BTBD8: variants seen among roughly 807,000 people sequenced by gnomAD.
The protein encoded by BTBD8 is BTB domain containing 8, also known as BTB/POZ domain-containing protein 8.
BTBD8 carries 110 observed loss-of-function variants against 162.9 expected under a neutral mutation model. The ratio of observed to expected loss-of-function variants is 0.68; its 90% CI spans 0.58 to 0.79. The LOEUF (loss-of-function observed/expected upper bound fraction) is 0.79. BTBD8 is among the 30% of genes least tolerant of loss of function. BTBD8 has a pLI of 0.00. For missense variants in BTBD8, 1,905 were observed against 2,085.4 expected, an observed-to-expected ratio of 0.91 and a Z score of 1.68; for synonymous variants, 667 against 716.1, an observed-to-expected ratio of 0.93 and a Z score of 1.10.
chr1:92,171,456 C>T lies in BTBD8; in HGVS notation c.1631C>T (p.Ser544Leu), dbSNP rs754399224. 41 of 1,507,870 alleles carry T rather than the reference C, an allele frequency of 2.7e-5. No individual in the cohort carries two copies. The highest frequency in any genetic ancestry group is 3.5e-5 in the Non-Finnish European group (39 of 1,122,804). 93.4% of individuals were successfully genotyped at this position (1,507,870 alleles called of 1,614,324 possible). Reference sequence around the variant, plus strand: ...GGCAAAAAGCCTATATTCAGTAGCTCGCAGGTAAACTTTCTAAATTTTATA... The same window carrying T: ...GGCAAAAAGCCTATATTCAGTAGCTTGCAGGTAAACTTTCTAAATTTTATA... ...RLGKKPIFSS[S>L]QQRKQVSDSG... is the part of the protein sequence containing the mutation. Residue 544 changes from serine (S) to leucine (L), a missense_variant, in exon 13 of 18, where the codon TCG (serine) becomes TTG (leucine). Ser to Leu is a moderately radical substitution (Grantham distance 145). Coordinates refer to ENST00000636805, the MANE Select transcript of BTBD8 (RefSeq NM_001376131.1).
chr1:92,091,909 C>A (rs1416502119), intron 2 of BTBD8, among the ~76,000 whole-genome samples: 1 of 152,208 alleles, frequency 6.6e-6, no homozygotes, highest in Non-Finnish European at 1.5e-5. Context: ...CTCCTCCTCT[C>A]CCTTCTTTTC....
intron 2 of BTBD8, among the ~76,000 whole-genome samples, chr1:92,091,125 A>G (rs1023789338): frequency 2.6e-5 from 4 of 152,112 alleles, no homozygotes; most frequent in Non-Finnish European, 4.4e-5. Context: ...GGAGGGGCCT[A>G]GTGGGAGGTG....
chr1:92,133,087 T>G (rs1003348806), intron 5 of BTBD8, among the ~76,000 whole-genome samples: 2 of 152,198 alleles, frequency 1.3e-5, no homozygotes, highest in Non-Finnish European at 2.9e-5. Flanking sequence ...AATTACATCT[T>G]TTAGGAATTT....
intron 4 of BTBD8, among the ~76,000 whole-genome samples, chr1:92,117,703 C>T (rs917444729): frequency 2.0e-5 from 3 of 152,006 alleles, no homozygotes; most frequent in Non-Finnish European, 4.4e-5. Flanking sequence ...TACTGCACCT[C>T]ACAAATTTCA....
chr1:92,155,697 G>A (rs900864291), intron 9 of BTBD8, among the ~76,000 whole-genome samples: 1 of 152,004 alleles, frequency 6.6e-6, no homozygotes, highest in Non-Finnish European at 1.5e-5. Context: ...TTACTCTTTG[G>A]TGCTATTGTA....
chr1:92,085,777 C>T (rs1383051829), intron 1 of BTBD8, among the ~76,000 whole-genome samples: 2 of 152,126 alleles, frequency 1.3e-5, no homozygotes, highest in African/African-American at 4.8e-5. Context: ...CCTGTAATCC[C>T]AGCACTTTGG....
At chr1:92,176,608 A>G (rs1650717454) in intron 13 of BTBD8, among the ~76,000 whole-genome samples, 1 of 152,212 alleles carries the variant, frequency 6.6e-6, no homozygotes, top group Non-Finnish European at 1.5e-5. Context: ...ATAGAATAGC[A>G]TGCCTTTAAA....
intron 5 of BTBD8, among the ~76,000 whole-genome samples, chr1:92,138,146 CG>C: frequency 6.6e-6 from 1 of 152,206 alleles, no homozygotes; most frequent in East Asian, 1.9e-4. Context: ...CTGCAGCTGG[CG>C]ATGTGGAAAA....
At chr1:92,177,730 T>C in intron 14 of BTBD8, 81 bp from the exon 15 acceptor site, 1 of 911,988 alleles carries the variant, frequency 1.1e-6, no homozygotes, top group Admixed American at 2.5e-5. Context: ...ATTTTGTTTA[T>C]AGTGTCTAAC....
In BTBD8 at chr1:92,107,925, T is replaced by G; in HGVS notation, c.586T>G (p.Leu196Val). The change falls in exon 4 of 18, where the codon TTA (leucine) becomes GTA (valine). Residue 196 changes from leucine (L) to valine (V), a missense_variant. By Grantham distance (32) the Leu-to-Val change is conservative. This residue lies in a region of BTBD8 where 1,374 missense variants were observed against 1,442.7 expected (regional missense o/e 0.95). Transcript: ENST00000636805. ...GCCTGCATCTGAATTAGGAGAAGAT[T>G]TATTGAAGCTTTATGTGAAACCTTG... is the stretch of plus-strand genomic sequence containing the variant. ...LEPASELGED[L>V]LKLYVKPCCP... is the part of the protein sequence containing the mutation. The G allele has an allele frequency of 6.2e-7, 1 of 1,614,134 alleles. No individual in the cohort carries two copies. Among genetic ancestry groups the G allele is most frequent in the Non-Finnish European group, 8.5e-7 (1 of 1,179,994 alleles).
At chr1:92,179,017 G>A (rs536363788) in intron 16 of BTBD8, among the ~76,000 whole-genome samples, 10 of 152,170 alleles carry the variant, frequency 6.6e-5, no homozygotes, top group Admixed American at 3.3e-4. Context: ...AGGCCAAGGC[G>A]GGTGGATCAC....
At chr1:92,147,099 T>C (rs45458506) in intron 7 of BTBD8, 81 bp from the exon 8 acceptor site, 11,253 of 1,035,664 alleles carry the variant, frequency 0.011, 88 homozygotes, top group Non-Finnish European at 0.013. Context: ...GGTATATAAA[T>C]TGGATTATCT....
chr1:92,181,388 G>A lies in BTBD8; in HGVS notation c.3705G>A (p.Trp1235Ter). The change falls in exon 17 of 18, where the codon TGG becomes TGA. Residue 1235 changes from tryptophan (W) to a stop codon, truncating the protein, a stop_gained. Transcript: ENST00000636805. LOFTEE classifies it high-confidence loss of function. ...ETPETPFVGH[W>*]NLSTGVLHQR... ...CAGAAACTCCATTTGTGGGTCACTG[G>A]AATTTGAGTACTGGTGTTCTGCATC... 6.4e-7 allele frequency: 1 copy of A among 1,551,664 alleles called. No homozygotes were observed. Among genetic ancestry groups the A allele is most frequent in the Non-Finnish European group, 8.7e-7 (1 of 1,146,984 alleles).
chr1:92,132,838 T>C (rs1219403123), intron 5 of BTBD8, among the ~76,000 whole-genome samples: 1 of 152,190 alleles, frequency 6.6e-6, no homozygotes, highest in Admixed American at 6.5e-5. Context: ...ACTTTTGTTG[T>C]TGTTGTTCAA....
chr1:92,144,148 A>G (rs1230417669), intron 7 of BTBD8, among the ~76,000 whole-genome samples: 1 of 150,068 alleles, frequency 6.7e-6, no homozygotes, highest in South Asian at 2.1e-4. Flanking sequence ...TAATTTTTGT[A>G]TTTTTAGTAG....
chr1:92,120,108 A>C (rs1649163275), intron 4 of BTBD8, among the ~76,000 whole-genome samples: 2 of 151,728 alleles, frequency 1.3e-5, no homozygotes. Context: ...ACCATCTCTA[A>C]CTTGAACTCC....
intron 17 of BTBD8, among the ~76,000 whole-genome samples, chr1:92,183,641 T>C (rs1650986374): frequency 6.6e-6 from 1 of 152,274 alleles, no homozygotes; most frequent in East Asian, 1.9e-4. Flanking sequence ...TGGAGAATTA[T>C]TGTTAGTTGC....
At chr1:92,093,457 G>T (rs1648369757) in intron 2 of BTBD8, among the ~76,000 whole-genome samples, 1 of 152,126 alleles carries the variant, frequency 6.6e-6, no homozygotes, top group Non-Finnish European at 1.5e-5. Context: ...CTCCCAAAGT[G>T]CTAGGGTTAC....
At chr1:92,120,238 T>G (rs1649172717) in intron 4 of BTBD8, among the ~76,000 whole-genome samples, 1 of 152,166 alleles carries the variant, frequency 6.6e-6, no homozygotes, top group Non-Finnish European at 1.5e-5. Flanking sequence ...TTTAAACTTT[T>G]GTTAAAAATT....
Sources: gnomAD v4.1 joint callset for allele counts (sites outside exome capture counted in the v4.1 genomes callset) on GRCh38, gnomAD v4.1.1 for gene constraint, gnomAD v4.1.1 regional missense constraint, MANE v1.5 for transcripts, NCBI Gene and HGNC (gene_info 2026-07-23, HGNC 2026-07-21) for gene names.